The following COP1 variants were observed in gnomAD, a reference collection of about 807,000 sequenced individuals.
The protein encoded by COP1 is COP1 E3 ubiquitin ligase, also known as E3 ubiquitin-protein ligase COP1.
In COP1, 24 loss-of-function variants were observed where a neutral mutation model predicts 101.3. The observed-to-expected ratio is 0.24, with a 90% CI of 0.17 to 0.33. The LOEUF (loss-of-function observed/expected upper bound fraction) is 0.33, where lower values mean the gene tolerates loss of function less well. Ranked by LOEUF, COP1 falls within the 10% of genes least tolerant of loss-of-function variation. The probability of loss-of-function intolerance (pLI) is 1.00; values close to 1 mark genes in which losing one functional copy is unlikely to be tolerated. For synonymous variants in COP1, 347 were observed against 341.9 expected (o/e 1.01, Z -0.17); for missense variants, 663 against 906.2 (o/e 0.73, Z 3.45).
intron 15 of COP1, among the ~76,000 whole-genome samples, chr1:176,023,735 A>AAAAG (rs1553225856): frequency 8.8e-4 from 94 of 107,414 alleles, no homozygotes; most frequent in East Asian, 5.2e-3. Context: ...AAAAAAAAAA[A>AAAAG]AAAAGAAAAG....
chr1:176,174,088 ACT>A (rs3979614), intron 3 of COP1, among the ~76,000 whole-genome samples: 2 of 151,000 alleles, frequency 1.3e-5, no homozygotes, highest in Non-Finnish European at 1.5e-5. Context: ...CTCATATATA[ACT>A]CTCTCTCACT....
intron 5 of COP1, among the ~76,000 whole-genome samples, chr1:176,152,752 CA>C (rs1443460870): frequency 6.6e-6 from 1 of 151,918 alleles, no homozygotes; most frequent in Non-Finnish European, 1.5e-5. Context: ...AAATTCTAAC[CA>C]AAAAAACCCT....
chr1:176,099,813 G>C (rs1683078333), intron 9 of COP1, among the ~76,000 whole-genome samples: 1 of 152,124 alleles, frequency 6.6e-6, no homozygotes. Flanking sequence ...GATAAGTAAA[G>C]AATGTCACCT....
At chr1:175,979,399 T>C (rs1348247415) in intron 18 of COP1, among the ~76,000 whole-genome samples, 2 of 152,034 alleles carry the variant, frequency 1.3e-5, no homozygotes, top group Admixed American at 6.6e-5. Flanking sequence ...TTTTCTAGTT[T>C]ACTGAAATCT....
At position 176,085,890 on chromosome 1, in the gene COP1, T is replaced by C. The variant is rs201597739; in HGVS notation, c.1027A>G (p.Thr343Ala). 5.8e-5 allele frequency: 90 copies of C among 1,544,290 alleles called. 3 individuals carry two copies. The South Asian group carries it at 8.8e-4, about 15-fold the overall frequency. ...QPPGFSGSSQTKKQPWYNSTL... is the reference protein window; with the variant it reads ...QPPGFSGSSQAKKQPWYNSTL... ...CTATTATACCAAGGCTGTTTCTTTG[T>C]CTAAAATAATAAGAAAAGACACAAA... The change falls in exon 10 of 20, where the codon ACA becomes GCA. Residue 343 changes from threonine (T) to alanine (A), a missense_variant and splice_region_variant. Around this residue, in one of 4 missense-constraint regions of COP1, gnomAD observed 212 missense variants for 240.7 expected, o/e 0.88. Coordinates refer to ENST00000367669, the MANE Select transcript of COP1 (RefSeq NM_022457.7).
At chr1:176,137,967 T>C (rs142544251) in intron 6 of COP1, among the ~76,000 whole-genome samples, 313 of 152,190 alleles carry the variant, frequency 2.1e-3, no homozygotes, top group African/African-American at 7.4e-3. Flanking sequence ...AGTTGAAATA[T>C]CATAGCAAGC....
chr1:175,980,683 C>CA (rs949974703), intron 18 of COP1, among the ~76,000 whole-genome samples: 1 of 147,524 alleles, frequency 6.8e-6, no homozygotes, highest in Non-Finnish European at 1.5e-5. Flanking sequence ...ATGACCACTG[C>CA]TTTTTTTTTT....
chr1:176,059,029 C>T (rs533019729), intron 11 of COP1, among the ~76,000 whole-genome samples: 5 of 152,348 alleles, frequency 3.3e-5, no homozygotes, highest in African/African-American at 9.6e-5. Context: ...TGCTTTGTAA[C>T]ACCAGCACTG....
chr1:176,189,308 T>C (rs1351115163), intron 1 of COP1, among the ~76,000 whole-genome samples: 2 of 152,252 alleles, frequency 1.3e-5, no homozygotes, highest in Non-Finnish European at 2.9e-5. Context: ...TTTGAAACAT[T>C]AGATTATAAT....
At chr1:175,982,530 T>A (rs1656119822) in intron 18 of COP1, 2 of 356,570 alleles carry the variant, frequency 5.6e-6, no homozygotes, top group Non-Finnish European at 1.1e-5. Flanking sequence ...ATTTTCTTAA[T>A]AATATTTTCT....
At chr1:175,960,085 C>A (rs1651151877) in intron 18 of COP1, among the ~76,000 whole-genome samples, 1 of 152,138 alleles carries the variant, frequency 6.6e-6, no homozygotes, top group South Asian at 2.1e-4. Flanking sequence ...ATAGAAAAAA[C>A]AATTTTACAG....
intron 18 of COP1, among the ~76,000 whole-genome samples, chr1:175,963,096 A>G (rs1651579454): frequency 6.6e-6 from 1 of 152,136 alleles, no homozygotes; most frequent in Non-Finnish European, 1.5e-5. Context: ...ACCCTGAATA[A>G]TTAAATTATT....
chr1:175,945,239 T>C (rs1251437748), intron 19 of COP1, 69 bp from the exon 20 acceptor site: 1 of 1,117,606 alleles, frequency 8.9e-7, no homozygotes, highest in Non-Finnish European at 1.3e-6. Flanking sequence ...TAATGACTCT[T>C]TACTATATTT....
chr1:176,173,324 G>GAAAA (rs11396126), intron 3 of COP1, among the ~76,000 whole-genome samples: 1,306 of 93,632 alleles, frequency 0.014, 30 homozygotes, highest in Middle Eastern at 0.018. Context: ...AAAACAAAAT[G>GAAAA]AAAAAAAAAA....
At chr1:175,952,772 GCATGGTGATGCATGC>G (rs1300703385) in intron 18 of COP1, among the ~76,000 whole-genome samples, 1 of 151,570 alleles carries the variant, frequency 6.6e-6, no homozygotes, top group Admixed American at 6.6e-5. Context: ...CATTAACCAG[GCATGGTGATGCATGC>G]ATGCCTCTAG....
intron 8 of COP1, among the ~76,000 whole-genome samples, chr1:176,131,261 G>A (rs952227939): frequency 3.3e-5 from 5 of 151,754 alleles, no homozygotes; most frequent in African/African-American, 4.8e-5. Context: ...ACACATAAAA[G>A]GATAGGTTAA....
At chr1:176,002,092 T>C (rs1661756291) in intron 15 of COP1, among the ~76,000 whole-genome samples, 2 of 151,988 alleles carry the variant, frequency 1.3e-5, no homozygotes, top group African/African-American at 2.4e-5. Context: ...CTACTTGGGG[T>C]TTATTGAGCT....
At chr1:176,187,305 T>C (rs1255360979) in intron 1 of COP1, among the ~76,000 whole-genome samples, 2 of 151,898 alleles carry the variant, frequency 1.3e-5, no homozygotes, top group African/African-American at 2.4e-5. Flanking sequence ...TATATATACA[T>C]ACACACATAT....
chr1:175,992,754 T>G (rs1211179476), intron 15 of COP1, among the ~76,000 whole-genome samples: 1 of 152,194 alleles, frequency 6.6e-6, no homozygotes, highest in African/African-American at 2.4e-5. Context: ...AAGCTCGAAC[T>G]GGATGGAGCC....
Sources: gnomAD v4.1 joint callset for allele counts (sites outside exome capture counted in the v4.1 genomes callset) on GRCh38, gnomAD v4.1.1 for gene constraint, gnomAD v4.1.1 regional missense constraint, MANE v1.5 for transcripts, NCBI Gene and HGNC (gene_info 2026-07-23, HGNC 2026-07-21) for gene names.